TLN2: variants seen among roughly 807,000 people sequenced by gnomAD.
TLN2 encodes the protein talin-2.
TLN2 carries 118 observed loss-of-function variants against 294.7 expected under a neutral mutation model. The observed-to-expected ratio is 0.40, with a 90% confidence interval of 0.34 to 0.47. The LOEUF (loss-of-function observed/expected upper bound fraction) is 0.47, where lower values mean the gene tolerates loss of function less well. Ranked by LOEUF, TLN2 falls within the 20% of genes least tolerant of loss-of-function variation. The pLI, the probability that TLN2 is intolerant of heterozygous loss-of-function variation, is 0.84. For synonymous variants in TLN2, 1,431 were observed against 1,304.5 expected (o/e 1.10, Z -2.09); for missense variants, 3,083 against 3,282.2 (o/e 0.94, Z 1.48).
At chr15:62,819,741 A>G in intron 53 of TLN2, 120 bp downstream of exon 53, 7 of 803,004 alleles carry the variant, frequency 8.7e-6, no homozygotes, top group Non-Finnish European at 1.4e-5. Context: ...GCAGCCAGGA[A>G]TACAGTGAGG....
chr15:62,745,444 TGGG>T lies in TLN2; in HGVS notation c.4026-2903_4026-2901del, dbSNP rs550529673. On this transcript the variant is annotated intron_variant, in intron 32 of 58. Transcript: ENST00000636159. ...ATAATGTAAATTGATTAATTTCTAA[TGGG>T]GGGTAGATTTATTGAAATTTTTTCT... Among the ~76,000 whole-genome samples, 33 of 152,334 alleles carry T rather than the reference TGGG, an allele frequency of 2.2e-4. No individual in the cohort carries two copies. The East Asian group carries it at 4.2e-3, about 20-fold the overall frequency.
intron 1 of TLN2, among the ~76,000 whole-genome samples, chr15:62,466,368 G>A (rs567695319): frequency 4.6e-5 from 7 of 152,204 alleles, no homozygotes; most frequent in East Asian, 1.9e-4. Context: ...CACTGTTGCC[G>A]TTTGGGGCTG....
intron 28 of TLN2, among the ~76,000 whole-genome samples, chr15:62,734,393 A>G (rs1213334638): frequency 1.3e-5 from 2 of 152,184 alleles, no homozygotes; most frequent in East Asian, 3.8e-4. Context: ...CTCTCCTAAA[A>G]CCCGTGAGAA....
chr15:62,697,158 A>C (rs527836165), intron 14 of TLN2, among the ~76,000 whole-genome samples: 8 of 151,946 alleles, frequency 5.3e-5, no homozygotes, highest in Non-Finnish European at 1.0e-4. Context: ...CCCAGGCTGG[A>C]GTACAGTGGC....
chr15:62,809,855 C>T lies in TLN2; in HGVS notation c.6664-70C>T, dbSNP rs1008539675. On this transcript the variant is annotated intron_variant, in intron 51 of 58. Coordinates refer to ENST00000636159, the MANE Select transcript of TLN2 (RefSeq NM_015059.3). ...GGTCACCAGGGTTAAGGTCTCTTGC[C>T]TCTGAGTCTGGGACTGCCCAATGCT... The T allele has an allele frequency of 1.8e-4, 259 of 1,469,972 alleles. 1 individual carries two copies. The highest frequency in any genetic ancestry group is 4.7e-5 in the Non-Finnish European group (50 of 1,062,356). 91.1% of individuals were successfully genotyped at this position (1,469,972 alleles called of 1,614,324 possible).
intron 15 of TLN2, among the ~76,000 whole-genome samples, chr15:62,698,539 C>T (rs972505837): frequency 5.3e-5 from 8 of 152,218 alleles, no homozygotes; most frequent in African/African-American, 1.7e-4. Context: ...TATAATCCCT[C>T]CGTGGCAATC....
At chr15:62,826,498 C>T (rs1299477348) in intron 54 of TLN2, among the ~76,000 whole-genome samples, 1 of 152,188 alleles carries the variant, frequency 6.6e-6, no homozygotes, top group Admixed American at 6.5e-5. Context: ...GCTGTCCATG[C>T]CTGGCTCTTA....
Position 62,762,417 on chromosome 15 carries a change from T to G in TLN2, c.4925T>G (p.Val1642Gly), listed in dbSNP as rs753999294. 19 of 1,614,030 alleles carry G rather than the reference T, an allele frequency of 1.2e-5. No homozygotes were observed. The highest frequency in any genetic ancestry group is 2.7e-5 in the African/African-American group (2 of 74,930). The change falls in exon 39 of 59, where the codon GTG (valine) becomes GGG (glycine). Residue 1642 changes from valine (V) to glycine (G), a missense_variant. By Grantham distance (109) the Val-to-Gly change is moderately radical. Coordinates refer to ENST00000636159, the MANE Select transcript of TLN2 (RefSeq NM_015059.3). ...WSVLAGHSHT[V>G]SDSIKSLITS... is the part of the protein sequence containing the mutation. ...GTACTGGCTGGACATTCCCATACAG[T>G]GTCCGACTCCATCAAGAGTCTCATC...
At chr15:62,755,500 G>C in intron 36 of TLN2, 32 bp from the exon 37 acceptor site, 1 of 1,610,370 alleles carries the variant, frequency 6.2e-7, no homozygotes, top group Non-Finnish European at 8.5e-7. Context: ...CTGTAGCATG[G>C]GGTACCCCCA....
intron 1 of TLN2, among the ~76,000 whole-genome samples, chr15:62,545,702 A>T (rs937473008): frequency 1.3e-5 from 2 of 152,140 alleles, no homozygotes; most frequent in African/African-American, 4.8e-5. Flanking sequence ...TGAAATCCAT[A>T]TTGCTCTGTG....
intron 41 of TLN2, among the ~76,000 whole-genome samples, chr15:62,769,797 T>TTAA (rs1367780901): frequency 3.9e-5 from 6 of 152,156 alleles, no homozygotes; most frequent in African/African-American, 1.2e-4. Flanking sequence ...AGGTTTGATC[T>TTAA]TAAGTTCTCT....
Position 62,655,406 on chromosome 15 carries a change from G to GCC in TLN2, c.518-533_518-532dup, listed in dbSNP as rs145927512. On this transcript the variant is annotated intron_variant, in intron 7 of 58. Coordinates refer to ENST00000636159, the MANE Select transcript of TLN2 (RefSeq NM_015059.3). The stretch of plus-strand genomic sequence containing the variant: ...GCTGGCCCATGGCACGGTTCTGCCA[G>GCC]CCCCCCTTTAGTGTTGTCTCCGCTA... Among the ~76,000 whole-genome samples, 261 of 152,236 alleles carry GCC rather than the reference G, an allele frequency of 1.7e-3. 1 individual carries two copies. The East Asian group carries it at 0.02, about 12-fold the overall frequency.
intron 9 of TLN2, among the ~76,000 whole-genome samples, chr15:62,659,440 G>A (rs533960804): frequency 2.6e-5 from 4 of 152,142 alleles, no homozygotes; most frequent in East Asian, 3.9e-4. Context: ...ATGATGGGTC[G>A]TACCAACCAA....
chr15:62,492,602 G>A (rs1180709018), intron 1 of TLN2, among the ~76,000 whole-genome samples: 1 of 150,286 alleles, frequency 6.7e-6, no homozygotes, highest in Non-Finnish European at 1.5e-5. Context: ...CCAATGTCTA[G>A]AGATAGTCTG....
intron 1 of TLN2, among the ~76,000 whole-genome samples, chr15:62,470,833 A>G (rs970777971): frequency 3.3e-5 from 5 of 152,238 alleles, no homozygotes; most frequent in East Asian, 1.9e-4. Flanking sequence ...TTGGAGAGAG[A>G]ACATATCAAG....
At chr15:62,664,875 A>AAAAG (rs1555462004) in intron 9 of TLN2, among the ~76,000 whole-genome samples, 3 of 146,488 alleles carry the variant, frequency 2.0e-5, no homozygotes, top group African/African-American at 8.0e-5. Context: ...AAAAAAAAAA[A>AAAAG]AAAGTGGCTA....
At chr15:62,712,578 G>C (rs2059492197) in intron 22 of TLN2, among the ~76,000 whole-genome samples, 1 of 152,012 alleles carries the variant, frequency 6.6e-6, no homozygotes, top group Non-Finnish European at 1.5e-5. Context: ...TATGCTTTTT[G>C]ACAGCTGTGC....
intron 1 of TLN2, among the ~76,000 whole-genome samples, chr15:62,518,214 T>G (rs1414065056): frequency 6.6e-6 from 1 of 152,180 alleles, no homozygotes; most frequent in Non-Finnish European, 1.5e-5. Context: ...AGTTTTTGTA[T>G]TTTTAGTAGA....
chr15:62,592,586 A>C (rs1463621015), intron 2 of TLN2, among the ~76,000 whole-genome samples: 1 of 152,234 alleles, frequency 6.6e-6, no homozygotes, highest in Middle Eastern at 3.2e-3. Context: ...AAATGCTAGG[A>C]GGAGCTTTTA....
Sources: gnomAD v4.1 joint callset for allele counts (sites outside exome capture counted in the v4.1 genomes callset) on GRCh38, gnomAD v4.1.1 for gene constraint, MANE v1.5 for transcripts, NCBI Gene and HGNC (gene_info 2026-07-23, HGNC 2026-07-21) for gene names.